The following POU6F2 variants were observed in gnomAD, a reference collection of about 807,000 sequenced individuals.
The protein encoded by POU6F2 is POU class 6 homeobox 2, also known as POU domain, class 6, transcription factor 2.
A neutral mutation model predicts 71.3 loss-of-function variants in POU6F2; 31 were observed. The observed-to-expected ratio is 0.43, with a 90% CI of 0.33 to 0.59. POU6F2 has a LOEUF of 0.59. POU6F2 is among the 20% of genes least tolerant of loss of function. The probability of loss-of-function intolerance (pLI) is 0.04; values close to 1 mark genes in which losing one functional copy is unlikely to be tolerated. For missense variants in POU6F2, 783 were observed against 856.8 expected, an observed-to-expected ratio of 0.91 and a Z score of 1.07; for synonymous variants, 347 against 355.7, an observed-to-expected ratio of 0.98 and a Z score of 0.27.
rs555896566 is a variant in POU6F2 at position 39,259,019 on chromosome 7, T to C, written c.598+51399T>C. On this transcript the variant is annotated intron_variant, in intron 4 of 9. Coordinates refer to ENST00000518318, the MANE Select transcript of POU6F2 (RefSeq NM_001370959.1). ...AGGACAAACTCATTCTTCACAGAAA[T>C]TGCTTCAGGGCCTGAAGGCTCATGT... Among the ~76,000 whole-genome samples, 20 of 152,328 alleles carry C rather than the reference T, an allele frequency of 1.3e-4. No individual in the cohort carries two copies. The South Asian group carries it at 3.9e-3, about 30-fold the overall frequency.
intron 2 of POU6F2, among the ~76,000 whole-genome samples, chr7:39,125,744 TAA>T (rs11305567): frequency 7.9e-5 from 12 of 151,696 alleles, no homozygotes; most frequent in Non-Finnish European, 1.3e-4. Flanking sequence ...ATACATTTGT[TAA>T]AAAAAAATAT....
At chr7:39,072,657 T>C (rs1790908219) in intron 1 of POU6F2, among the ~76,000 whole-genome samples, 2 of 152,228 alleles carry the variant, frequency 1.3e-5, no homozygotes. Flanking sequence ...GCTTCATCTG[T>C]TCCATCCAGC....
intron 2 of POU6F2, among the ~76,000 whole-genome samples, chr7:39,121,701 A>G (rs1278692070): frequency 6.6e-5 from 10 of 152,142 alleles, no homozygotes; most frequent in Non-Finnish European, 1.3e-4. Flanking sequence ...GATACTAATT[A>G]TTATTTATTT....
chr7:39,225,107 CTT>C (rs759161727), intron 4 of POU6F2, among the ~76,000 whole-genome samples: 1 of 152,168 alleles, frequency 6.6e-6, no homozygotes, highest in Non-Finnish European at 1.5e-5. Flanking sequence ...TTCATAGACT[CTT>C]GGGAGAAATC....
rs538206928 is a variant in POU6F2 at position 39,217,057 on chromosome 7, C to T, written c.598+9437C>T. Among the ~76,000 whole-genome samples, 93 of 152,180 alleles carry T rather than the reference C, an allele frequency of 6.1e-4. 2 individuals carry two copies. The South Asian group carries it at 0.019, about 32-fold the overall frequency. Reference sequence around the variant, plus strand: ...ATATTAATAGGTTTTATTTTGAAATCCGAATACTTTCTATTCATTAAGGTG... The same window carrying T: ...ATATTAATAGGTTTTATTTTGAAATTCGAATACTTTCTATTCATTAAGGTG... On this transcript the variant is annotated intron_variant, in intron 4 of 9. Coordinates refer to ENST00000518318, the MANE Select transcript of POU6F2 (RefSeq NM_001370959.1).
chr7:39,299,599 G>C (rs896339905), intron 4 of POU6F2, among the ~76,000 whole-genome samples: 6 of 152,168 alleles, frequency 3.9e-5, no homozygotes, highest in Non-Finnish European at 7.3e-5. Context: ...TTTCAAGTTT[G>C]ATATGGGCTT....
At position 39,246,905 on chromosome 7, in the gene POU6F2, C is replaced by CTTTTTTTTTTTTTTTTTTTT. The variant is rs398004470; in HGVS notation, c.598+39289_598+39308dup. Among the ~76,000 whole-genome samples, 39 of 78,154 alleles carry CTTTTTTTTTTTTTTTTTTTT rather than the reference C, an allele frequency of 5.0e-4. 2 individuals carry two copies. Among genetic ancestry groups the CTTTTTTTTTTTTTTTTTTTT allele is most frequent in the African/African-American group, 1.9e-3 (33 of 17,082 alleles). The allele number at this position is 78,154 out of a possible 152,430, so 51.3% of individuals were successfully genotyped here. A position where few individuals can be genotyped will look rare whatever the true frequency, so the allele number is the denominator to read the frequency against. ...CCAGCTCACCCCAAATCCAGGGTGG[C>CTTTTTTTTTTTTTTTTTTTT]TTTTTTTTTTTTTTTTTTTTTTTGC... On this transcript the variant is annotated intron_variant, in intron 4 of 9. Transcript: ENST00000518318.
chr7:39,047,415 G>A (rs912865188), intron 1 of POU6F2, among the ~76,000 whole-genome samples: 13 of 151,632 alleles, frequency 8.6e-5, no homozygotes, highest in African/African-American at 3.1e-4. Context: ...AGTTTTCATT[G>A]TATAAATCTT....
chr7:39,272,235 A>G (rs1394827330), intron 4 of POU6F2, among the ~76,000 whole-genome samples: 1 of 152,218 alleles, frequency 6.6e-6, no homozygotes, highest in Admixed American at 6.5e-5. Context: ...ATAGAAATGT[A>G]TTAAGAACTA....
intron 4 of POU6F2, among the ~76,000 whole-genome samples, chr7:39,302,332 TG>T (rs1472543133): frequency 6.6e-6 from 1 of 152,286 alleles, no homozygotes; most frequent in Non-Finnish European, 1.5e-5. Flanking sequence ...AATGCACTGT[TG>T]GGGGGTGATA....
intron 4 of POU6F2, among the ~76,000 whole-genome samples, chr7:39,311,954 C>T (rs184825942): frequency 2.6e-5 from 4 of 152,018 alleles, no homozygotes; most frequent in Admixed American, 1.3e-4. Context: ...CATTATGAAC[C>T]AGAATAACAT....
chr7:39,039,587 A>G (rs866037441), intron 1 of POU6F2, among the ~76,000 whole-genome samples: 4 of 151,992 alleles, frequency 2.6e-5, no homozygotes, highest in Admixed American at 6.6e-5. Context: ...AATTATTTCA[A>G]TGGATATTGG....
intron 6 of POU6F2, among the ~76,000 whole-genome samples, chr7:39,419,060 T>TACACATATAC (rs1787772015): frequency 1.4e-5 from 2 of 145,674 alleles, no homozygotes; most frequent in Admixed American, 1.4e-4. Context: ...TACACATATA[T>TACACATATAC]ACACATATAT....
chr7:39,173,715 T>C (rs1584582714), intron 2 of POU6F2, among the ~76,000 whole-genome samples: 1 of 152,222 alleles, frequency 6.6e-6, no homozygotes, highest in East Asian at 1.9e-4. Flanking sequence ...GTTTAATCTA[T>C]GTTGATGACA....
chr7:39,003,751 A>G (rs1244486635), intron 1 of POU6F2, among the ~76,000 whole-genome samples: 1 of 151,676 alleles, frequency 6.6e-6, no homozygotes, highest in Non-Finnish European at 1.5e-5. Context: ...TCCGTTTCAA[A>G]AAAAAAAAAA....
chr7:39,238,456 A>T (rs934117113), intron 4 of POU6F2, among the ~76,000 whole-genome samples: 16 of 152,164 alleles, frequency 1.1e-4, no homozygotes, highest in African/African-American at 2.9e-4. Flanking sequence ...TTACTGGAAT[A>T]CAGCCACATC....
chr7:39,200,924 G>A (rs1793886262), intron 2 of POU6F2, among the ~76,000 whole-genome samples: 1 of 151,916 alleles, frequency 6.6e-6, no homozygotes, highest in Non-Finnish European at 1.5e-5. Flanking sequence ...CTACTCAGAA[G>A]GCTGAAGCAG....
intron 4 of POU6F2, among the ~76,000 whole-genome samples, chr7:39,299,317 CCAGA>C (rs1340394866): frequency 6.6e-6 from 1 of 152,046 alleles, no homozygotes; most frequent in Non-Finnish European, 1.5e-5. Context: ...TTTTGAATAA[CCAGA>C]CAGTCTTATC....
intron 4 of POU6F2, among the ~76,000 whole-genome samples, chr7:39,292,210 T>C (rs1784772094): frequency 6.6e-6 from 1 of 152,214 alleles, no homozygotes; most frequent in Admixed American, 6.5e-5. Context: ...ATGTGAAACC[T>C]ATAAGAGTGG....
Sources: gnomAD v4.1 joint callset for allele counts (sites outside exome capture counted in the v4.1 genomes callset) on GRCh38, gnomAD v4.1.1 for gene constraint, MANE v1.5 for transcripts, NCBI Gene and HGNC (gene_info 2026-07-23, HGNC 2026-07-21) for gene names.